Variants in DTNB observed in about 807,000 individuals in gnomAD.
DTNB encodes DTN-B.
Under a neutral mutation model 90.7 loss-of-function variants are expected in DTNB, and 63 were observed. The ratio of observed to expected loss-of-function variants is 0.69; its 90% CI spans 0.57 to 0.86. The LOEUF (loss-of-function observed/expected upper bound fraction) is 0.86. DTNB is among the 40% of genes least tolerant of loss of function. The pLI is 0.00. For synonymous variants in DTNB, 277 were observed against 286.7 expected (o/e 0.97, Z 0.34); for missense variants, 744 against 807.1 (o/e 0.92, Z 0.95).
intron 7 of DTNB, among the ~76,000 whole-genome samples, chr2:25,580,452 T>C (rs555320385): frequency 2.7e-5 from 4 of 150,454 alleles, no homozygotes; most frequent in South Asian, 2.1e-4. Flanking sequence ...ACTCGGAAGG[T>C]AGAGGTTGCA....
chr2:25,612,470 A>G lies in DTNB; in HGVS notation c.363-5149T>C, dbSNP rs138012154. Among the ~76,000 whole-genome samples the G allele has an allele frequency of 9.8e-3, 1,485 of 152,292 alleles. 16 individuals are homozygous for G. The highest frequency in any genetic ancestry group is 0.034 in the African/African-American group (1,394 of 41,576). ...CATTGTAAGTATTAAAAATGCTTAT[A>G]CTAGAAAAGAAGAAGGTTCTCAAAT... On this transcript the variant is annotated intron_variant, in intron 4 of 20. Coordinates refer to ENST00000406818, the MANE Select transcript of DTNB (RefSeq NM_021907.5).
intron 9 of DTNB, among the ~76,000 whole-genome samples, chr2:25,525,952 G>A (rs2077010513): frequency 6.6e-6 from 1 of 151,916 alleles, no homozygotes; most frequent in African/African-American, 2.4e-5. Flanking sequence ...ACCACCTCCA[G>A]CCACACTCCC....
chr2:25,588,930 G>A (rs370460530), intron 6 of DTNB, among the ~76,000 whole-genome samples: 1 of 152,122 alleles, frequency 6.6e-6, no homozygotes, highest in Non-Finnish European at 1.5e-5. Flanking sequence ...GGTTGCTAAC[G>A]GAGATTATAA....
chr2:25,528,765 T>C (rs2077615683), intron 9 of DTNB, among the ~76,000 whole-genome samples: 1 of 152,198 alleles, frequency 6.6e-6, no homozygotes, highest in South Asian at 2.1e-4. Flanking sequence ...CTTAAATAGC[T>C]GTAGGAAAAA....
chr2:25,533,454 C>A (rs1362929208), intron 8 of DTNB, among the ~76,000 whole-genome samples: 1 of 152,312 alleles, frequency 6.6e-6, no homozygotes, highest in East Asian at 1.9e-4. Context: ...TTTTGCCCAA[C>A]AAGTCGTGAT....
At chr2:25,552,614 T>A (rs916238370) in intron 8 of DTNB, among the ~76,000 whole-genome samples, 11 of 152,110 alleles carry the variant, frequency 7.2e-5, no homozygotes, top group African/African-American at 2.7e-4. Context: ...TGCAAACAGA[T>A]CTCATCTACT....
At chr2:25,622,851 A>G (rs2073109228) in intron 4 of DTNB, among the ~76,000 whole-genome samples, 1 of 152,218 alleles carries the variant, frequency 6.6e-6, no homozygotes. Context: ...TTAAAAAGAC[A>G]ATACGAAACA....
At chr2:25,529,456 C>A (rs2077737234) in intron 9 of DTNB, among the ~76,000 whole-genome samples, 1 of 151,186 alleles carries the variant, frequency 6.6e-6, no homozygotes, top group South Asian at 2.1e-4. Flanking sequence ...TGTTGAGAGG[C>A]AGGCAAGGAA....
At chr2:25,500,041 G>A (rs1303314734) in intron 9 of DTNB, among the ~76,000 whole-genome samples, 5 of 152,054 alleles carry the variant, frequency 3.3e-5, no homozygotes, top group African/African-American at 7.2e-5. Flanking sequence ...GATTACAGGT[G>A]CACCACCATA....
At chr2:25,431,942 T>A (rs2053996624) in intron 14 of DTNB, among the ~76,000 whole-genome samples, 1 of 146,836 alleles carries the variant, frequency 6.8e-6, no homozygotes, top group African/African-American at 2.7e-5. Context: ...ATCTAATGAT[T>A]TTTTTTCACC....
chr2:25,544,557 G>C (rs987549751), intron 8 of DTNB, among the ~76,000 whole-genome samples: 2 of 152,144 alleles, frequency 1.3e-5, no homozygotes, highest in African/African-American at 4.8e-5. Context: ...CATCTGAGGG[G>C]ATCTAAGCAG....
intron 20 of DTNB, among the ~76,000 whole-genome samples, chr2:25,378,123 T>C (rs961979247): frequency 3.5e-4 from 53 of 152,174 alleles, no homozygotes; most frequent in African/African-American, 1.3e-3. Context: ...CACGTTCCCT[T>C]GCACCCCAGT....
chr2:25,575,284 T>C (rs2060485751), intron 8 of DTNB, among the ~76,000 whole-genome samples: 1 of 149,990 alleles, frequency 6.7e-6, no homozygotes, highest in South Asian at 2.1e-4. Flanking sequence ...ACAATTAACA[T>C]AGTGAAGTAC....
At chr2:25,396,838 C>A (rs977303223) in intron 16 of DTNB, among the ~76,000 whole-genome samples, 1 of 151,562 alleles carries the variant, frequency 6.6e-6, no homozygotes, top group African/African-American at 2.4e-5. Context: ...TCAGTCTGGG[C>A]ACTGTTTTGT....
At chr2:25,427,854 CTATATAAAGGTATTACTTA>C in intron 14 of DTNB, 1 of 397,288 alleles carries the variant, frequency 2.5e-6, no homozygotes, top group South Asian at 4.4e-5. Context: ...GTTTAGATGA[CTATATAAAGGTATTACTTA>C]TATTACCAGA....
At chr2:25,536,401 C>G (rs1156785743) in intron 8 of DTNB, among the ~76,000 whole-genome samples, 2 of 152,152 alleles carry the variant, frequency 1.3e-5, no homozygotes, top group African/African-American at 2.4e-5. Context: ...CACTGCACTC[C>G]AGCCTGGGCA....
intron 4 of DTNB, among the ~76,000 whole-genome samples, chr2:25,613,702 G>A (rs1407392604): frequency 2.0e-5 from 3 of 151,194 alleles, no homozygotes; most frequent in Non-Finnish European, 4.4e-5. Context: ...GCTCACGCCT[G>A]TAATCGCAAC....
At chr2:25,559,243 A>T (rs1425833711) in intron 8 of DTNB, among the ~76,000 whole-genome samples, 1 of 152,164 alleles carries the variant, frequency 6.6e-6, no homozygotes, top group Non-Finnish European at 1.5e-5. Context: ...ATAGTCCAGC[A>T]TCGGCAAAAT....
chr2:25,669,510 T>C (rs1292330672), intron 1 of DTNB, among the ~76,000 whole-genome samples: 1 of 152,086 alleles, frequency 6.6e-6, no homozygotes, highest in East Asian at 1.9e-4. Context: ...TTAAGGGAAA[T>C]TTTTCATAAA....
Sources: allele counts gnomAD v4.1 joint callset (sites outside exome capture counted in the v4.1 genomes callset), GRCh38; gene constraint gnomAD v4.1.1; transcripts MANE v1.5; gene names NCBI Gene and HGNC (gene_info 2026-07-23, HGNC 2026-07-21).